CDH13: variants seen among roughly 807,000 people sequenced by gnomAD.
The protein encoded by CDH13 is cadherin 13, also known as cadherin-13.
Under a neutral mutation model 63.8 loss-of-function variants are expected in CDH13, and 24 were observed. The ratio of observed to expected loss-of-function variants is 0.38; its 90% confidence interval spans 0.27 to 0.53. The LOEUF is 0.53. Among genes scored for constraint, CDH13 ranks in the 20% least tolerant of loss-of-function variants. The pLI is 0.85. For missense variants in CDH13, 1,049 were observed against 903.1 expected (o/e 1.16, Z -2.07); for synonymous variants, 503 against 355.3 (o/e 1.42, Z -4.67).
rs527514165 is a variant in CDH13, at chr16:82,698,146, T to C, written c.45+71009T>C. Among the ~76,000 whole-genome samples the C allele has an allele frequency of 1.4e-3, 209 of 152,356 alleles. 3 individuals are homozygous for C. The highest frequency in any genetic ancestry group is 1.9e-3 in the South Asian group (9 of 4,820). On this transcript the variant is annotated intron_variant, in intron 1 of 13. Transcript: ENST00000567109. The stretch of plus-strand genomic sequence containing the variant: ...TGCTGTAGGCCTAGGAATACCATGT[T>C]CAAAGTATGGAAGATTGGAGCATTG...
At chr16:83,756,095 G>A (rs1254431466) in intron 11 of CDH13, among the ~76,000 whole-genome samples, 1 of 151,952 alleles carries the variant, frequency 6.6e-6, no homozygotes, top group African/African-American at 2.4e-5. Context: ...ATAACCCTTA[G>A]GGTAATCACT....
intron 7 of CDH13, among the ~76,000 whole-genome samples, chr16:83,511,092 A>ATG (rs879683240): frequency 0.084 from 4,142 of 49,252 alleles, 188 homozygotes; most frequent in African/African-American, 0.3. Flanking sequence ...ATGCACACAC[A>ATG]CATGCACACA....
chr16:83,748,059 T>C lies in CDH13; in HGVS notation c.1539-49T>C, dbSNP rs532586269. 6.6e-5 allele frequency: 106 copies of C among 1,608,472 alleles called. No homozygotes were observed. In the South Asian group the frequency reaches 1.1e-3, roughly 17 times the overall value. ...ATGCCCTGCACTCTGTAAATGTTTC[T>C]TGAATCTACTTTGAATGCAGAGTCT... On this transcript the variant is annotated intron_variant, in intron 10 of 13. Coordinates refer to ENST00000567109, the MANE Select transcript of CDH13 (RefSeq NM_001257.5).
chr16:83,331,906 G>A (rs2090488684), intron 5 of CDH13, among the ~76,000 whole-genome samples: 1 of 152,018 alleles, frequency 6.6e-6, no homozygotes, highest in Non-Finnish European at 1.5e-5. Context: ...ATATTGTAAT[G>A]AGTATACATG....
intron 5 of CDH13, among the ~76,000 whole-genome samples, chr16:83,301,978 A>G (rs2089759048): frequency 6.6e-6 from 1 of 152,056 alleles, no homozygotes; most frequent in African/African-American, 2.4e-5. Flanking sequence ...AGAAAAAAAA[A>G]AAAGAGTTAA....
chr16:83,077,936 C>T (rs535071029), intron 3 of CDH13, among the ~76,000 whole-genome samples: 2 of 152,244 alleles, frequency 1.3e-5, no homozygotes, highest in South Asian at 2.1e-4. Flanking sequence ...ATTTAATTTG[C>T]GTTACCCTAA....
chr16:83,014,634 G>C (rs1379244557), intron 2 of CDH13, among the ~76,000 whole-genome samples: 1 of 149,644 alleles, frequency 6.7e-6, no homozygotes, highest in Non-Finnish European at 1.5e-5. Context: ...GGGAGGCTGA[G>C]GCAGGAGAAT....
chr16:83,282,287 A>G (rs992501854), intron 5 of CDH13, among the ~76,000 whole-genome samples: 30 of 152,358 alleles, frequency 2.0e-4, no homozygotes, highest in African/African-American at 6.5e-4. Flanking sequence ...ATATTGCCAG[A>G]ATTACCAAAA....
chr16:83,752,774 G>A (rs1913191025), intron 11 of CDH13, among the ~76,000 whole-genome samples: 2 of 152,234 alleles, frequency 1.3e-5, no homozygotes, highest in African/African-American at 4.8e-5. Flanking sequence ...TACTTATAAC[G>A]TTGTGAGAAA....
chr16:82,743,946 A>G (rs2034047531), intron 1 of CDH13, among the ~76,000 whole-genome samples: 1 of 152,250 alleles, frequency 6.6e-6, no homozygotes, highest in Admixed American at 6.5e-5. Context: ...TCTGGCATGT[A>G]TTAGGCACCT....
At position 83,559,963 on chromosome 16, in the gene CDH13, AC is replaced by A. The variant is rs1288758489; in HGVS notation, c.961-42490del. 5.9e-5 allele frequency among the ~76,000 whole-genome samples: 9 copies of A among 152,310 alleles called. No individual in the cohort carries two copies. The East Asian group carries it at 9.6e-4, about 16-fold the overall frequency. On this transcript the variant is annotated intron_variant, in intron 7 of 13. Coordinates refer to ENST00000567109, the MANE Select transcript of CDH13 (RefSeq NM_001257.5). ...GCCAATATACATGTTGGTTATTCAC[AC>A]GATGGAGGCCTCATTGCCTGATACA...
At chr16:83,341,579 G>T (rs1193562326) in intron 5 of CDH13, among the ~76,000 whole-genome samples, 1 of 152,104 alleles carries the variant, frequency 6.6e-6, no homozygotes, top group South Asian at 2.1e-4. Context: ...ATTTTATTCA[G>T]TCTACTATGT....
At chr16:83,389,465 C>G (rs1415190621) in intron 6 of CDH13, among the ~76,000 whole-genome samples, 1 of 152,218 alleles carries the variant, frequency 6.6e-6, no homozygotes, top group African/African-American at 2.4e-5. Context: ...TCTGTCTAAA[C>G]TAGGAGCCAA....
At chr16:83,260,066 GT>G (rs35895410) in intron 5 of CDH13, among the ~76,000 whole-genome samples, 116,048 of 140,226 alleles carry the variant, frequency 0.83, 47,867 homozygotes, top group African/African-American at 0.84. Flanking sequence ...GTATATAATA[GT>G]TTTTTTTTTT....
chr16:83,512,341 TAAATAAATA>T, intron 7 of CDH13, among the ~76,000 whole-genome samples: 1 of 139,276 alleles, frequency 7.2e-6, no homozygotes, highest in African/African-American at 2.6e-5. Flanking sequence ...AATAAATAAA[TAAATAAATA>T]AATAAATAAA....
At chr16:83,067,411 A>T (rs920042906) in intron 3 of CDH13, among the ~76,000 whole-genome samples, 4 of 152,184 alleles carry the variant, frequency 2.6e-5, no homozygotes, top group Admixed American at 6.5e-5. Flanking sequence ...AACCATCCAT[A>T]GTTGGTTGTA....
At chr16:83,126,735 GT>G (rs1425572589) in intron 4 of CDH13, among the ~76,000 whole-genome samples, 1 of 152,192 alleles carries the variant, frequency 6.6e-6, no homozygotes, top group African/African-American at 2.4e-5. Flanking sequence ...AAAAATGGTG[GT>G]TGGTTAAATG....
rs931874147 is a variant in CDH13, at chr16:82,654,368, C to A, written c.45+27231C>A. 2.0e-5 allele frequency among the ~76,000 whole-genome samples: 3 copies of A among 152,304 alleles called. No individual in the cohort carries two copies. In the South Asian group the frequency reaches 6.2e-4, roughly 32 times the overall value. On this transcript the variant is annotated intron_variant, in intron 1 of 13. Coordinates refer to ENST00000567109, the MANE Select transcript of CDH13 (RefSeq NM_001257.5). ...TCTCTTGCAGAAGAGATGGTTCTTT[C>A]CCCTTGAGTTGTTTTGAGCCAAGCA...
At chr16:82,786,905 G>T (rs921864164) in intron 1 of CDH13, among the ~76,000 whole-genome samples, 1 of 152,040 alleles carries the variant, frequency 6.6e-6, no homozygotes, top group African/African-American at 2.4e-5. Context: ...GTTTTTAAGG[G>T]TATTGGACAA....
Sources: gnomAD v4.1 joint callset for allele counts (sites outside exome capture counted in the v4.1 genomes callset) on GRCh38, gnomAD v4.1.1 for gene constraint, MANE v1.5 for transcripts, NCBI Gene and HGNC (gene_info 2026-07-23, HGNC 2026-07-21) for gene names.